CADM2: variants seen among roughly 807,000 people sequenced by gnomAD.
The protein encoded by CADM2 is immunoglobulin superfamily member 4D.
A neutral mutation model predicts 49.8 loss-of-function variants in CADM2; 12 were observed. The observed-to-expected ratio is 0.24, with a 90% CI of 0.15 to 0.39. The LOEUF is 0.39. Ranked by LOEUF, CADM2 falls within the 10% of genes least tolerant of loss-of-function variation. CADM2 has a pLI of 1.00. For missense variants in CADM2, 378 were observed against 492.3 expected (o/e 0.77, Z 2.20); for synonymous variants, 214 against 175.4 (o/e 1.22, Z -1.74).
intron 1 of CADM2, among the ~76,000 whole-genome samples, chr3:85,636,060 T>C (rs1425174919): frequency 1.3e-5 from 2 of 152,208 alleles, no homozygotes; most frequent in Non-Finnish European, 2.9e-5. Flanking sequence ...CTTATGTATT[T>C]ACTACAATTT....
intron 1 of CADM2, among the ~76,000 whole-genome samples, chr3:85,631,115 C>A (rs1290919712): frequency 6.6e-6 from 1 of 151,954 alleles, no homozygotes; most frequent in Non-Finnish European, 1.5e-5. Context: ...TTTCCCTGTT[C>A]TTTGGGTAGT....
chr3:85,340,267 A>G (rs987523862), intron 1 of CADM2, among the ~76,000 whole-genome samples: 1 of 151,540 alleles, frequency 6.6e-6, no homozygotes, highest in Non-Finnish European at 1.5e-5. Flanking sequence ...TTTATAAAGA[A>G]ATAAAACCAC....
At chr3:85,381,061 C>T (rs2107354015) in intron 1 of CADM2, among the ~76,000 whole-genome samples, 1 of 152,060 alleles carries the variant, frequency 6.6e-6, no homozygotes, top group Non-Finnish European at 1.5e-5. Flanking sequence ...CTAGTATTTA[C>T]TAATAACCAC....
chr3:85,122,505 T>C (rs1156413205), intron 1 of CADM2, among the ~76,000 whole-genome samples: 1 of 152,162 alleles, frequency 6.6e-6, no homozygotes, highest in Non-Finnish European at 1.5e-5. Context: ...CAGTTCTCTC[T>C]CAAATCCATT....
intron 1 of CADM2, among the ~76,000 whole-genome samples, chr3:85,539,813 G>C (rs533917010): frequency 6.6e-6 from 1 of 152,066 alleles, no homozygotes; most frequent in African/African-American, 2.4e-5. Flanking sequence ...ACAAGGTGAA[G>C]CTGAATAAAT....
At position 84,959,606 on chromosome 3, in the gene CADM2, C is replaced by T. The variant is rs912962412; in HGVS notation, c.-2C>T. The T allele has an allele frequency of 4.6e-6, 7 of 1,536,964 alleles. No homozygotes were observed. In the African/African-American group the frequency reaches 9.6e-5, roughly 21 times the overall value. ...CTTCCCCAGCCCTTTAGAGAAGGGA[C>T]CATGATTTGGAAACGCAGCGCCGTT... On this transcript the variant is annotated 5_prime_UTR_variant, in exon 1 of 10. Transcript: ENST00000383699.
intron 1 of CADM2, among the ~76,000 whole-genome samples, chr3:85,363,480 ACTG>A (rs140431541): frequency 0.017 from 2,515 of 152,260 alleles, 165 homozygotes; most frequent in South Asian, 0.11. Context: ...TTCTGTAGCC[ACTG>A]CTAACAACTT....
chr3:85,502,273 G>T (rs892991433), intron 1 of CADM2, among the ~76,000 whole-genome samples: 1 of 152,066 alleles, frequency 6.6e-6, no homozygotes, highest in Admixed American at 6.6e-5. Flanking sequence ...TTCAGTGAAT[G>T]GAGTTCAGAA....
At chr3:85,521,716 G>C (rs1341331101) in intron 1 of CADM2, among the ~76,000 whole-genome samples, 1 of 152,078 alleles carries the variant, frequency 6.6e-6, no homozygotes, top group Non-Finnish European at 1.5e-5. Flanking sequence ...TACATATTCC[G>C]TGAGTTTATT....
chr3:85,156,928 A>T (rs977474532), intron 1 of CADM2, among the ~76,000 whole-genome samples: 1 of 152,184 alleles, frequency 6.6e-6, no homozygotes. Flanking sequence ...ATGATTGTAT[A>T]TCTAGAAAAC....
At chr3:85,400,966 A>G (rs1014018211) in intron 1 of CADM2, among the ~76,000 whole-genome samples, 1 of 152,144 alleles carries the variant, frequency 6.6e-6, no homozygotes, top group Non-Finnish European at 1.5e-5. Flanking sequence ...TCCTGACCAA[A>G]ATCCCCTCCC....
intron 1 of CADM2, among the ~76,000 whole-genome samples, chr3:85,018,487 C>T (rs1316511560): frequency 3.3e-5 from 5 of 152,114 alleles, no homozygotes; most frequent in Non-Finnish European, 7.4e-5. Flanking sequence ...AAGCGATTCT[C>T]ATGCCTCAGG....
intron 1 of CADM2, chr3:85,511,771 TC>T: frequency 2.4e-6 from 1 of 423,168 alleles, no homozygotes. Flanking sequence ...GTGACTGTAA[TC>T]CACCATCTCT....
At chr3:85,783,962 A>G (rs1162823437) in intron 2 of CADM2, among the ~76,000 whole-genome samples, 7 of 152,206 alleles carry the variant, frequency 4.6e-5, no homozygotes, top group Admixed American at 3.9e-4. Flanking sequence ...GACTTTAACA[A>G]TGGGACTTGA....
At chr3:85,900,431 T>C (rs1190569514) in intron 5 of CADM2, among the ~76,000 whole-genome samples, 2 of 152,194 alleles carry the variant, frequency 1.3e-5, no homozygotes, top group Non-Finnish European at 2.9e-5. Context: ...TTAGACATTA[T>C]TTTGCTTAGT....
At chr3:85,543,050 A>G (rs1401933755) in intron 1 of CADM2, among the ~76,000 whole-genome samples, 2 of 152,134 alleles carry the variant, frequency 1.3e-5, no homozygotes, top group African/African-American at 4.8e-5. Context: ...AAATCTAGAG[A>G]AATCAAGAAC....
chr3:85,380,093 T>C (rs1263100133), intron 1 of CADM2, among the ~76,000 whole-genome samples: 12 of 152,068 alleles, frequency 7.9e-5, no homozygotes, highest in Non-Finnish European at 1.5e-5. Flanking sequence ...ACTACATAAA[T>C]CATCTTGGTT....
chr3:85,618,961 A>G (rs2063884545), intron 1 of CADM2, among the ~76,000 whole-genome samples: 2 of 151,960 alleles, frequency 1.3e-5, no homozygotes, highest in South Asian at 4.1e-4. Flanking sequence ...GAATCGCTTG[A>G]ACCCGGGAGG....
intron 7 of CADM2, among the ~76,000 whole-genome samples, chr3:85,938,682 T>C (rs1721467654): frequency 6.6e-6 from 1 of 152,116 alleles, no homozygotes; most frequent in Non-Finnish European, 1.5e-5. Context: ...TATCTTCATT[T>C]TGTTATTTAA....
Sources: gnomAD v4.1 joint callset for allele counts (sites outside exome capture counted in the v4.1 genomes callset) on GRCh38, gnomAD v4.1.1 for gene constraint, MANE v1.5 for transcripts, NCBI Gene and HGNC (gene_info 2026-07-23, HGNC 2026-07-21) for gene names.